MEGF11: variants seen among roughly 807,000 people sequenced by gnomAD.
MEGF11 encodes the protein multiple epidermal growth factor-like domains protein 11.
MEGF11 carries 126 observed loss-of-function variants against 146.6 expected under a neutral mutation model. That is an observed-to-expected ratio of 0.86 (90% CI 0.74 to 1.00). The LOEUF (loss-of-function observed/expected upper bound fraction) is 1.00, where lower values mean the gene tolerates loss of function less well. Among genes scored for constraint, MEGF11 ranks in the 50% least tolerant of loss-of-function variants. MEGF11 has a pLI of 0.00. For missense variants in MEGF11, 1,509 were observed against 1,521.2 expected (o/e 0.99, Z 0.13); for synonymous variants, 532 against 583.4 (o/e 0.91, Z 1.27).
At chr15:66,037,356 G>A (rs754380976) in intron 5 of MEGF11, among the ~76,000 whole-genome samples, 2 of 152,200 alleles carry the variant, frequency 1.3e-5, no homozygotes, top group Non-Finnish European at 2.9e-5. Flanking sequence ...CTGCCAAAAT[G>A]AGCCTGTCAG....
chr15:66,199,479 G>T (rs911526832), intron 1 of MEGF11, among the ~76,000 whole-genome samples: 9 of 152,108 alleles, frequency 5.9e-5, no homozygotes, highest in Admixed American at 5.2e-4. Context: ...AAACTGACTG[G>T]CCATCAACTG....
chr15:66,130,294 A>C (rs1377086858), intron 1 of MEGF11, among the ~76,000 whole-genome samples: 1 of 152,128 alleles, frequency 6.6e-6, no homozygotes, highest in Non-Finnish European at 1.5e-5. Context: ...AGAAATAAAC[A>C]ATGGGACACA....
chr15:65,950,584 G>GACACACACACACAC (rs57977250), intron 10 of MEGF11, among the ~76,000 whole-genome samples: 61 of 148,934 alleles, frequency 4.1e-4, no homozygotes, highest in African/African-American at 1.4e-3. Context: ...TAGACACACA[G>GACACACACACACAC]ACACACACAC....
intron 5 of MEGF11, among the ~76,000 whole-genome samples, chr15:66,078,726 G>A (rs1225317429): frequency 6.6e-6 from 1 of 152,058 alleles, no homozygotes; most frequent in East Asian, 1.9e-4. Flanking sequence ...AGGGGTATCC[G>A]CCCGGTTGCC....
intron 5 of MEGF11, among the ~76,000 whole-genome samples, chr15:66,069,270 G>A (rs190082827): frequency 9.8e-5 from 15 of 152,338 alleles, no homozygotes; most frequent in East Asian, 5.8e-4. Flanking sequence ...TGATTAATCC[G>A]AAACTTTATA....
At chr15:66,010,470 G>T (rs2082677371) in intron 5 of MEGF11, among the ~76,000 whole-genome samples, 1 of 152,160 alleles carries the variant, frequency 6.6e-6, no homozygotes, top group African/African-American at 2.4e-5. Context: ...TGGGATTACA[G>T]GCATGACTCA....
At chr15:66,085,971 C>T (rs140821368) in intron 5 of MEGF11, among the ~76,000 whole-genome samples, 2 of 152,184 alleles carry the variant, frequency 1.3e-5, no homozygotes, top group East Asian at 3.9e-4. Context: ...AAAGAAAACA[C>T]AATAAAAAAT....
At position 66,053,714 on chromosome 15, in the gene MEGF11, AATTTTT is replaced by A. The variant is rs1456570555; in HGVS notation, c.394+40682_394+40687del. On this transcript the variant is annotated intron_variant, in intron 5 of 25. Transcript: ENST00000395614. The stretch of plus-strand genomic sequence containing the variant: ...ACTCAGCTCCCCCTCCCCTGGCACC[AATTTTT>A]TTTTTTTTTTTTTTTTTTTTTTTTT... Among the ~76,000 whole-genome samples, 8 of 42,268 alleles carry A rather than the reference AATTTTT, an allele frequency of 1.9e-4. 1 individual carries two copies. The highest frequency in any genetic ancestry group is 2.6e-4 in the Non-Finnish European group (4 of 15,512). 27.7% of individuals were successfully genotyped at this position (42,268 alleles called of 152,430 possible).
At chr15:66,186,043 A>G (rs1450622970) in intron 1 of MEGF11, among the ~76,000 whole-genome samples, 1 of 152,154 alleles carries the variant, frequency 6.6e-6, no homozygotes, top group African/African-American at 2.4e-5. Flanking sequence ...GGGCAGCCCC[A>G]GGACCTTCCT....
At chr15:66,046,939 A>C (rs2084229790) in intron 5 of MEGF11, among the ~76,000 whole-genome samples, 3 of 152,164 alleles carry the variant, frequency 2.0e-5, no homozygotes, top group Non-Finnish European at 4.4e-5. Context: ...GGAGGTCCCC[A>C]GGTTCCCCCT....
chr15:66,055,700 TA>T (rs1302940714), intron 5 of MEGF11, among the ~76,000 whole-genome samples: 9 of 152,198 alleles, frequency 5.9e-5, no homozygotes, highest in Non-Finnish European at 1.0e-4. Flanking sequence ...AAGAACCAAG[TA>T]AATGGAAGGG....
intron 5 of MEGF11, among the ~76,000 whole-genome samples, chr15:66,058,274 C>T (rs75393770): frequency 2.6e-5 from 4 of 152,006 alleles, no homozygotes; most frequent in Non-Finnish European, 4.4e-5. Flanking sequence ...ACAGGCTGTG[C>T]GGAAGGCAAA....
chr15:66,169,835 G>A (rs1029156976), intron 1 of MEGF11, among the ~76,000 whole-genome samples: 5 of 152,160 alleles, frequency 3.3e-5, no homozygotes, highest in African/African-American at 1.2e-4. Flanking sequence ...CGCGGCAGCC[G>A]GACCATCCCG....
At chr15:66,197,802 A>C (rs2091047523) in intron 1 of MEGF11, among the ~76,000 whole-genome samples, 1 of 152,198 alleles carries the variant, frequency 6.6e-6, no homozygotes, top group South Asian at 2.1e-4. Flanking sequence ...GGTAGCTTAC[A>C]TCCCAGCAGG....
chr15:65,924,988 A>G (rs1596848889), intron 13 of MEGF11, among the ~76,000 whole-genome samples: 1 of 152,180 alleles, frequency 6.6e-6, no homozygotes, highest in Admixed American at 6.5e-5. Flanking sequence ...GCCTAGGGAC[A>G]AAGCTGTTCC....
At chr15:66,178,539 C>T (rs1252338216) in intron 1 of MEGF11, among the ~76,000 whole-genome samples, 3 of 152,176 alleles carry the variant, frequency 2.0e-5, no homozygotes, top group Admixed American at 2.0e-4. Flanking sequence ...TTGGTTCTTC[C>T]CCTGAATGTG....
chr15:65,924,374 G>T (rs971907912), intron 13 of MEGF11, among the ~76,000 whole-genome samples: 67 of 82,978 alleles, frequency 8.1e-4, no homozygotes, highest in African/African-American at 3.1e-3. Context: ...GGGTGTGGGT[G>T]GGGGGGGGGG....
chr15:66,056,750 T>G (rs1477792824), intron 5 of MEGF11, among the ~76,000 whole-genome samples: 2 of 152,198 alleles, frequency 1.3e-5, no homozygotes, highest in African/African-American at 2.4e-5. Context: ...AAGACTTGAC[T>G]CAGCCAGGAA....
chr15:66,113,385 AAGGGCCAGAAG>A (rs1320926563), intron 4 of MEGF11, among the ~76,000 whole-genome samples: 1 of 152,202 alleles, frequency 6.6e-6, no homozygotes, highest in Non-Finnish European at 1.5e-5. Flanking sequence ...CCACCACTGA[AAGGGCCAGAAG>A]ATTTCACCTG....
Sources: allele counts gnomAD v4.1 joint callset (sites outside exome capture counted in the v4.1 genomes callset), GRCh38; gene constraint gnomAD v4.1.1; transcripts MANE v1.5; gene names NCBI Gene and HGNC (gene_info 2026-07-23, HGNC 2026-07-21).